Variants in PLEKHG4B observed in about 807,000 individuals in gnomAD.
PLEKHG4B encodes pleckstrin homology domain-containing family G member 4B.
Under a neutral mutation model 121.3 loss-of-function variants are expected in PLEKHG4B, and 111 were observed. That is an observed-to-expected ratio of 0.92 (90% CI 0.78 to 1.07). PLEKHG4B has a LOEUF of 1.07. PLEKHG4B is among the 50% of genes least tolerant of loss of function. The pLI is 0.00. For missense variants in PLEKHG4B, 1,831 were observed against 1,757.8 expected, an observed-to-expected ratio of 1.04 and a Z score of -0.74; for synonymous variants, 738 against 725.0, an observed-to-expected ratio of 1.02 and a Z score of -0.29.
chr5:96,486 C>A (rs182780214), intron 1 of PLEKHG4B, among the ~76,000 whole-genome samples: 1 of 152,280 alleles, frequency 6.6e-6, no homozygotes, highest in African/African-American at 2.4e-5. Flanking sequence ...GCAAAACAAT[C>A]ATGTAATATT....
Position 171,755 on chromosome 5 carries a change from G to T in PLEKHG4B, c.4050+311G>T, listed in dbSNP as rs573551688. On this transcript the variant is annotated intron_variant, in intron 16 of 19. Coordinates refer to ENST00000637938, the MANE Select transcript of PLEKHG4B (RefSeq NM_052909.5). Reference sequence around the variant, plus strand: ...GCAGGCTGGCTCTGAATAACTGGAAGTCTGCTTACCTGGGCTGTATTTAAA... The same window carrying T: ...GCAGGCTGGCTCTGAATAACTGGAATTCTGCTTACCTGGGCTGTATTTAAA... Among the ~76,000 whole-genome samples the T allele has an allele frequency of 1.2e-3, 187 of 152,312 alleles. 1 individual carries two copies. The highest frequency in any genetic ancestry group is 4.2e-3 in the African/African-American group (176 of 41,568).
chr5:161,229 T>C (rs1234597583), intron 11 of PLEKHG4B, among the ~76,000 whole-genome samples: 1 of 152,136 alleles, frequency 6.6e-6, no homozygotes, highest in African/African-American at 2.4e-5. Context: ...AGCCAGGGGC[T>C]CCCCCATCTT....
chr5:113,210 G>A lies in PLEKHG4B; in HGVS notation c.46-41G>A, dbSNP rs2126357140. 2.5e-6 allele frequency: 1 copy of A among 399,104 alleles called. No homozygotes were observed. Among genetic ancestry groups the A allele is most frequent in the Non-Finnish European group, 4.4e-6 (1 of 226,182 alleles). The allele number at this position is 399,104 out of a possible 1,614,324, so 24.7% of individuals were successfully genotyped here. On this transcript the variant is annotated intron_variant, in intron 1 of 19. Transcript: ENST00000637938. The surrounding 1 kb of genome is among the most constrained non-coding windows in gnomAD (Gnocchi z 5.2). ...GGACTGTGGTGTGCACCTGTCTTGA[G>A]TTATGTCCCTAAAGTTTCTGAATTC...
chr5:155,198 A>C (rs992191494), intron 8 of PLEKHG4B, 147 bp from the exon 9 acceptor site: 2 of 841,182 alleles, frequency 2.4e-6, no homozygotes, highest in African/African-American at 1.7e-5. Context: ...GCCGCCCCGG[A>C]AGTGTCTGTA....
intron 5 of PLEKHG4B, among the ~76,000 whole-genome samples, chr5:143,827 C>T (rs1052776280): frequency 2.6e-5 from 4 of 152,252 alleles, no homozygotes; most frequent in African/African-American, 9.6e-5. Flanking sequence ...TCAGGGTTCT[C>T]TTATGTCCTT....
At chr5:132,734 T>C (rs552768612) in intron 2 of PLEKHG4B, among the ~76,000 whole-genome samples, 54 of 152,332 alleles carry the variant, frequency 3.5e-4, no homozygotes, top group African/African-American at 1.1e-3. Context: ...GGTTCTCTAT[T>C]CTGTTCCATT....
At chr5:174,699 T>C (rs896666409) in intron 18 of PLEKHG4B, among the ~76,000 whole-genome samples, 2 of 152,072 alleles carry the variant, frequency 1.3e-5, no homozygotes, top group Non-Finnish European at 2.9e-5. Flanking sequence ...TATAGCAGTT[T>C]GGTTGGCTGC....
At chr5:155,639 C>T (rs554216990) in intron 9 of PLEKHG4B, among the ~76,000 whole-genome samples, 196 bp downstream of exon 9, 2 of 152,314 alleles carry the variant, frequency 1.3e-5, no homozygotes, top group East Asian at 1.9e-4. Context: ...ACATCCCACC[C>T]GACCCAGAAG....
In PLEKHG4B at chr5:154,977, A is replaced by C; in HGVS notation, c.2095A>C (p.Ile699Leu). Reference protein sequence around the residue: ...GSFPYSHGDWICFRQRLEHFA... With the variant: ...GSFPYSHGDWLCFRQRLEHFA... Reference sequence around the variant, plus strand: ...CTTTCCCTACAGCCATGGTGACTGGATCTGCTTCCGTCAGGTAGGTTCAGC... The same window carrying C: ...CTTTCCCTACAGCCATGGTGACTGGCTCTGCTTCCGTCAGGTAGGTTCAGC... The change falls in exon 8 of 20, where the codon ATC becomes CTC. Residue 699 changes from isoleucine to leucine, a missense_variant. Coordinates refer to ENST00000637938, the MANE Select transcript of PLEKHG4B (RefSeq NM_052909.5). 1 of 1,612,902 alleles carries C rather than the reference A, an allele frequency of 6.2e-7. No individual in the cohort carries two copies. The highest frequency in any genetic ancestry group is 8.5e-7 in the Non-Finnish European group (1 of 1,179,956).
chr5:139,416 C>G lies in PLEKHG4B; in HGVS notation c.244-67C>G. The G allele has an allele frequency of 2.5e-6, 1 of 398,854 alleles. No homozygotes were observed. The highest frequency in any genetic ancestry group is 4.4e-6 in the Non-Finnish European group (1 of 226,224). The allele number at this position is 398,854 out of a possible 1,614,324, so 24.7% of individuals were successfully genotyped here. A position where few individuals can be genotyped will look rare whatever the true frequency, so the allele number is the denominator to read the frequency against. ...CTGACCTTCCCCTGAGGGGTGGAGA[C>G]CCAGGGCATGGAAGGGCTCAGGACA... On this transcript the variant is annotated intron_variant, in intron 2 of 19. Coordinates refer to ENST00000637938, the MANE Select transcript of PLEKHG4B (RefSeq NM_052909.5). The surrounding 1 kb of genome is among the most constrained non-coding windows in gnomAD (Gnocchi z 5.0).
intron 6 of PLEKHG4B, among the ~76,000 whole-genome samples, chr5:149,359 A>G (rs558968448): frequency 2.6e-5 from 4 of 151,690 alleles, no homozygotes; most frequent in African/African-American, 9.7e-5. Context: ...CCTGGGCAAT[A>G]TAGTAAGACT....
In PLEKHG4B at chr5:177,817, C is replaced by A. The variant is rs572774582; in HGVS notation, c.4403-3697C>A. Among the ~76,000 whole-genome samples, 179 of 152,300 alleles carry A rather than the reference C, an allele frequency of 1.2e-3. 1 individual carries two copies. Among genetic ancestry groups the A allele is most frequent in the Middle Eastern group, 0.01 (3 of 294 alleles). ...GCCCGTGTGCACAGTGCGCACCTTT[C>A]CCTTGGGATGTGAGGATGCGCCGTG... On this transcript the variant is annotated intron_variant, in intron 18 of 19. Coordinates refer to ENST00000637938, the MANE Select transcript of PLEKHG4B (RefSeq NM_052909.5).
chr5:131,790 T>G (rs1050311092), intron 2 of PLEKHG4B, among the ~76,000 whole-genome samples: 4 of 152,226 alleles, frequency 2.6e-5, no homozygotes, highest in African/African-American at 9.6e-5. Context: ...TTCCTGACTT[T>G]TTAATGATTG....
chr5:140,360 G>C lies in PLEKHG4B; in HGVS notation c.1121G>C (p.Gly374Ala). The C allele has an allele frequency of 6.4e-7, 1 of 1,552,356 alleles. No homozygotes were observed. Among genetic ancestry groups the C allele is most frequent in the Non-Finnish European group, 8.7e-7 (1 of 1,149,056 alleles). The change falls in exon 3 of 20, where the codon GGG (glycine) becomes GCG (alanine). Residue 374 changes from glycine to alanine, a missense_variant. Gly to Ala is a moderately conservative substitution (Grantham distance 60). Coordinates refer to ENST00000637938, the MANE Select transcript of PLEKHG4B (RefSeq NM_052909.5). ...MPLGSSEEALGDLACSSLTGA... is the reference protein window; with the variant it reads ...MPLGSSEEALADLACSSLTGA... Reference sequence around the variant, plus strand: ...CTGGGCAGCTCTGAGGAGGCCCTCGGGGACCTGGCCTGCAGCTCCCTGACT... The same window carrying C: ...CTGGGCAGCTCTGAGGAGGCCCTCGCGGACCTGGCCTGCAGCTCCCTGACT...
chr5:148,582 T>G (rs1396820874), intron 6 of PLEKHG4B, among the ~76,000 whole-genome samples: 1 of 152,090 alleles, frequency 6.6e-6, no homozygotes, highest in Admixed American at 6.5e-5. Context: ...AAAGAAGACA[T>G]AAATAGAAAG....
chr5:133,754 C>T (rs114331217), intron 2 of PLEKHG4B, among the ~76,000 whole-genome samples: 402 of 152,108 alleles, frequency 2.6e-3, no homozygotes, highest in African/African-American at 8.7e-3. Flanking sequence ...AGATCTACCA[C>T]TTAATCCAGC....
chr5:153,500 G>A (rs1021970731), intron 7 of PLEKHG4B, among the ~76,000 whole-genome samples: 6 of 152,150 alleles, frequency 3.9e-5, no homozygotes, highest in African/African-American at 1.4e-4. Context: ...CCCCATGTAT[G>A]CACGGTTCAG....
At chr5:97,437 T>TGTCATTCAGGCTCCAG (rs1579227650) in intron 1 of PLEKHG4B, among the ~76,000 whole-genome samples, 4 of 152,288 alleles carry the variant, frequency 2.6e-5, no homozygotes, top group African/African-American at 4.8e-5. Context: ...ACCCCTTACC[T>TGTCATTCAGGCTCCAG]ATCAAGCTGT....
intron 11 of PLEKHG4B, among the ~76,000 whole-genome samples, chr5:161,119 C>G (rs1421612498): frequency 3.3e-5 from 5 of 152,236 alleles, no homozygotes; most frequent in Admixed American, 1.3e-4. Context: ...GGGCTTACCT[C>G]TGACATTTCC....
Sources: gnomAD v4.1 joint callset for allele counts (sites outside exome capture counted in the v4.1 genomes callset) on GRCh38, gnomAD v4.1.1 for gene constraint, Gnocchi (gnomAD v3.1) non-coding constraint, MANE v1.5 for transcripts, NCBI Gene and HGNC (gene_info 2026-07-23, HGNC 2026-07-21) for gene names.